Variants in PAPSS1 observed in about 807,000 individuals in gnomAD.
PAPSS1 encodes bifunctional 3'-phosphoadenosine 5'-phosphosulfate synthase 1.
Under a neutral mutation model 72.0 loss-of-function variants are expected in PAPSS1, and 50 were observed. That is an observed-to-expected ratio of 0.69 (90% CI 0.55 to 0.88). The LOEUF (loss-of-function observed/expected upper bound fraction) is 0.88. Ranked by LOEUF, PAPSS1 falls within the 40% of genes least tolerant of loss-of-function variation. The probability of loss-of-function intolerance (pLI) is 0.00; values close to 1 mark genes in which losing one functional copy is unlikely to be tolerated. For synonymous variants in PAPSS1, 261 were observed against 263.6 expected (o/e 0.99, Z 0.09); for missense variants, 657 against 782.2 (o/e 0.84, Z 1.91).
At chr4:107,665,400 T>C (rs1387710722) in intron 5 of PAPSS1, among the ~76,000 whole-genome samples, 6 of 152,170 alleles carry the variant, frequency 3.9e-5, no homozygotes, top group Admixed American at 2.0e-4. Flanking sequence ...TTATTTGGGA[T>C]TCATTAGGAT....
chr4:107,719,861 G>T, intron 1 of PAPSS1: 1 of 1,345,830 alleles, frequency 7.4e-7, no homozygotes, highest in South Asian at 1.7e-5. Context: ...AGGCGCTGGG[G>T]AGGGGGGGCG....
chr4:107,680,392 TA>T (rs58785128), intron 5 of PAPSS1, among the ~76,000 whole-genome samples: 33,959 of 150,824 alleles, frequency 0.23, 3,863 homozygotes, highest in East Asian at 0.37. Context: ...TGAAGCAAGT[TA>T]AAAAAAAATG....
intron 10 of PAPSS1, among the ~76,000 whole-genome samples, chr4:107,636,228 T>C (rs1726377135): frequency 6.6e-6 from 1 of 152,164 alleles, no homozygotes; most frequent in Non-Finnish European, 1.5e-5. Context: ...CAAAGATCCT[T>C]CAATTGGGTG....
chr4:107,626,524 A>G (rs1270492810), intron 11 of PAPSS1, among the ~76,000 whole-genome samples: 4 of 152,232 alleles, frequency 2.6e-5, no homozygotes, highest in Admixed American at 6.5e-5. Context: ...AGTGCCTATT[A>G]TAACTAATTT....
chr4:107,661,116 T>C (rs1727169334), intron 5 of PAPSS1, among the ~76,000 whole-genome samples: 1 of 152,144 alleles, frequency 6.6e-6, no homozygotes, highest in African/African-American at 2.4e-5. Flanking sequence ...ATGTTCAACA[T>C]CATATGTCAT....
At chr4:107,717,951 A>G (rs1252941970) in intron 1 of PAPSS1, among the ~76,000 whole-genome samples, 1 of 152,206 alleles carries the variant, frequency 6.6e-6, no homozygotes, top group Non-Finnish European at 1.5e-5. Flanking sequence ...GGATGAATTA[A>G]CAAGAACATA....
intron 10 of PAPSS1, among the ~76,000 whole-genome samples, chr4:107,632,789 T>G (rs1248943894): frequency 6.6e-6 from 1 of 152,210 alleles, no homozygotes; most frequent in Non-Finnish European, 1.5e-5. Context: ...TTTAGCTTCC[T>G]TTCAGTGTAA....
At chr4:107,622,495 C>T (rs1369774533) in intron 11 of PAPSS1, among the ~76,000 whole-genome samples, 2 of 152,150 alleles carry the variant, frequency 1.3e-5, no homozygotes, top group Non-Finnish European at 2.9e-5. Context: ...AAAATGTAAG[C>T]TTCTCACCTC....
chr4:107,665,459 C>A (rs1009324035), intron 5 of PAPSS1, among the ~76,000 whole-genome samples: 4 of 152,162 alleles, frequency 2.6e-5, no homozygotes, highest in Non-Finnish European at 2.9e-5. Flanking sequence ...TCAATTTGTA[C>A]ATATAAAACC....
At chr4:107,690,530 C>T (rs931098523) in intron 3 of PAPSS1, among the ~76,000 whole-genome samples, 9 of 152,242 alleles carry the variant, frequency 5.9e-5, no homozygotes, top group African/African-American at 1.4e-4. Flanking sequence ...TTCACATCTC[C>T]GCATTCCCAC....
At chr4:107,655,011 ATC>A (rs2110319383) in intron 7 of PAPSS1, 111 bp from the exon 8 acceptor site, 1 of 716,572 alleles carries the variant, frequency 1.4e-6, no homozygotes, top group East Asian at 2.7e-5. Flanking sequence ...AAGGCTGTAG[ATC>A]CAGTGACAGT....
chr4:107,639,353 G>A (rs1472232520), intron 10 of PAPSS1, among the ~76,000 whole-genome samples: 5 of 152,190 alleles, frequency 3.3e-5, no homozygotes, highest in African/African-American at 1.2e-4. Context: ...TGTGGTACAG[G>A]TCCACAATTG....
chr4:107,653,721 C>T (rs1476544850), intron 8 of PAPSS1, 95 bp from the exon 9 acceptor site: 1 of 911,996 alleles, frequency 1.1e-6, no homozygotes, highest in African/African-American at 1.7e-5. Flanking sequence ...TTGTAAGCTA[C>T]TCTCATCTTA....
At chr4:107,663,486 A>C (rs897701578) in intron 5 of PAPSS1, among the ~76,000 whole-genome samples, 24 of 152,206 alleles carry the variant, frequency 1.6e-4, no homozygotes, top group South Asian at 6.2e-4. Context: ...ACTGACTATA[A>C]CACCACTCAT....
At chr4:107,670,905 A>G (rs549335277) in intron 5 of PAPSS1, among the ~76,000 whole-genome samples, 2 of 152,210 alleles carry the variant, frequency 1.3e-5, no homozygotes, top group Non-Finnish European at 2.9e-5. Context: ...TAGAGCGAAA[A>G]AAAGGAAATG....
At chr4:107,711,207 G>C (rs181173845) in intron 1 of PAPSS1, among the ~76,000 whole-genome samples, 116 of 152,302 alleles carry the variant, frequency 7.6e-4, no homozygotes, top group African/African-American at 2.6e-3. Flanking sequence ...AGCAGAAATG[G>C]AATAATTCAT....
At chr4:107,704,222 T>C (rs1338084277) in intron 1 of PAPSS1, among the ~76,000 whole-genome samples, 1 of 152,252 alleles carries the variant, frequency 6.6e-6, no homozygotes, top group Non-Finnish European at 1.5e-5. Flanking sequence ...TAAATTTATT[T>C]ATTCTAACAG....
chr4:107,622,288 C>T (rs1725984838), intron 11 of PAPSS1, among the ~76,000 whole-genome samples: 1 of 152,202 alleles, frequency 6.6e-6, no homozygotes, highest in African/African-American at 2.4e-5. Flanking sequence ...TCTTCAATTG[C>T]TGTTTACTGC....
intron 5 of PAPSS1, among the ~76,000 whole-genome samples, chr4:107,663,638 C>G (rs62311620): frequency 6.6e-6 from 1 of 152,004 alleles, no homozygotes; most frequent in African/African-American, 2.4e-5. Flanking sequence ...CAAATCCCTG[C>G]AATACTGTCT....
Sources: allele counts gnomAD v4.1 joint callset (sites outside exome capture counted in the v4.1 genomes callset), GRCh38; gene constraint gnomAD v4.1.1; transcripts MANE v1.5; gene names NCBI Gene and HGNC (gene_info 2026-07-23, HGNC 2026-07-21).